The following BMP3 variants were observed in gnomAD, a reference collection of about 807,000 sequenced individuals.
The protein encoded by BMP3 is bone morphogenetic protein 3.
BMP3 carries 23 observed loss-of-function variants against 38.1 expected under a neutral mutation model. The ratio of observed to expected loss-of-function variants is 0.60; its 90% CI spans 0.43 to 0.86. The LOEUF (loss-of-function observed/expected upper bound fraction) is 0.86, where lower values mean the gene tolerates loss of function less well. Ranked by LOEUF, BMP3 falls within the 40% of genes least tolerant of loss-of-function variation. The probability of loss-of-function intolerance (pLI) is 0.00; values close to 1 mark genes in which losing one functional copy is unlikely to be tolerated. For synonymous variants in BMP3, 258 were observed against 225.7 expected (o/e 1.14, Z -1.28); for missense variants, 628 against 579.6 (o/e 1.08, Z -0.86).
chr4:81,046,971 C>T (rs1740269375), intron 2 of BMP3, among the ~76,000 whole-genome samples: 1 of 152,150 alleles, frequency 6.6e-6, no homozygotes, highest in Non-Finnish European at 1.5e-5. Flanking sequence ...TGAACCTGCA[C>T]CTGTCCATGT....
intron 1 of BMP3, among the ~76,000 whole-genome samples, chr4:81,032,783 C>T (rs567757733): frequency 6.6e-6 from 1 of 152,258 alleles, no homozygotes; most frequent in Non-Finnish European, 1.5e-5. Flanking sequence ...CTAGAGCTTA[C>T]AGGCATGATG....
intron 1 of BMP3, among the ~76,000 whole-genome samples, chr4:81,040,028 G>T (rs1740027925): frequency 6.6e-6 from 1 of 152,162 alleles, no homozygotes; most frequent in Admixed American, 6.5e-5. Flanking sequence ...GCAGAGAGAA[G>T]CAGCAACAGG....
In BMP3 at chr4:81,046,484, A is replaced by T. The variant is rs1388499344; in HGVS notation, c.1063A>T (p.Thr355Ser). The T allele has an allele frequency of 1.9e-6, 3 of 1,613,938 alleles. No homozygotes were observed. Among genetic ancestry groups the T allele is most frequent in the Non-Finnish European group, 2.5e-6 (3 of 1,180,006 alleles). ...CCAGACGCTCCAATTTGATGAGCAGACCCTGAAAAAGGCAAGGAGAAAGCA... is the reference window on the plus strand; with the variant it reads ...CCAGACGCTCCAATTTGATGAGCAGTCCCTGAAAAAGGCAAGGAGAAAGCA... The part of the protein sequence containing the change: ...KSQTLQFDEQ[T>S]LKKARRKQWI... Residue 355 changes from threonine to serine, a missense_variant, in exon 2 of 3, where the codon ACC becomes TCC. By Grantham distance (58) the Thr-to-Ser change is moderately conservative (BLOSUM62 1). Coordinates refer to ENST00000282701, the MANE Select transcript of BMP3 (RefSeq NM_001201.5).
chr4:81,035,676 A>G (rs1026255486), intron 1 of BMP3, among the ~76,000 whole-genome samples: 3 of 152,060 alleles, frequency 2.0e-5, no homozygotes, highest in African/African-American at 7.2e-5. Flanking sequence ...CTCAAAACCT[A>G]TTATTTTTAA....
intron 2 of BMP3, among the ~76,000 whole-genome samples, chr4:81,052,002 C>CTT (rs796392056): frequency 6.9e-6 from 1 of 144,770 alleles, no homozygotes; most frequent in African/African-American, 2.5e-5. Context: ...TCCTTTTTTT[C>CTT]TTTTTTTTTT....
chr4:81,051,387 G>A (rs1209422312), intron 2 of BMP3, among the ~76,000 whole-genome samples: 1 of 152,140 alleles, frequency 6.6e-6, no homozygotes, highest in Non-Finnish European at 1.5e-5. Flanking sequence ...CTCAGGAACA[G>A]CAATGCACAG....
chr4:81,050,291 A>G (rs1740370852), intron 2 of BMP3, among the ~76,000 whole-genome samples: 1 of 152,184 alleles, frequency 6.6e-6, no homozygotes, highest in South Asian at 2.1e-4. Flanking sequence ...TCATTCACAG[A>G]CACGGCAGTT....
chr4:81,051,374 G>A (rs1293108218), intron 2 of BMP3, among the ~76,000 whole-genome samples: 1 of 152,092 alleles, frequency 6.6e-6, no homozygotes, highest in Non-Finnish European at 1.5e-5. Flanking sequence ...ATTATACTAG[G>A]TGCTCAGGAA....
Position 81,031,259 on chromosome 4 carries a change from C to A in BMP3, c.-26C>A. On this transcript the variant is annotated 5_prime_UTR_variant, in exon 1 of 3. Coordinates refer to ENST00000282701, the MANE Select transcript of BMP3 (RefSeq NM_001201.5). The stretch of plus-strand genomic sequence containing the variant: ...GAGTGTCCCGCAGCGACGCCGGGAG[C>A]CGACGCGCCGCGCGGGTACCTAGCC... 1 of 1,554,856 alleles carries A rather than the reference C, an allele frequency of 6.4e-7. No individual in the cohort carries two copies. Among genetic ancestry groups the A allele is most frequent in the Non-Finnish European group, 8.7e-7 (1 of 1,150,558 alleles).
In BMP3 at chr4:81,046,085, A is replaced by G. The variant is rs114620549; in HGVS notation, c.664A>G (p.Thr222Ala). 1,191 of 1,614,180 alleles carry G rather than the reference A, an allele frequency of 7.4e-4. No individual in the cohort carries two copies. The highest frequency in any genetic ancestry group is 9.4e-4 in the South Asian group (86 of 91,084). The change falls in exon 2 of 3, where the codon ACG becomes GCG. Residue 222 changes from threonine to alanine, a missense_variant. Thr to Ala is a moderately conservative substitution (Grantham distance 58). Transcript: ENST00000282701. ...AGAGTTCCTCATAGGATTTAACATT[A>G]CGTCCAAGGGACGCCAGCTGCCAAA... ...NEEFLIGFNI[T>A]SKGRQLPKRR...
Position 81,031,369 on chromosome 4 carries a change from T to A in BMP3, c.85T>A (p.Phe29Ile). Residue 29 changes from phenylalanine (F) to isoleucine (I), a missense_variant, in exon 1 of 3, where the codon TTC (phenylalanine) becomes ATC (isoleucine). By Grantham distance (21) the Phe-to-Ile change is conservative (BLOSUM62 0). Transcript: ENST00000282701. Reference sequence around the variant, plus strand: ...GCAGGGAGAGAGACCGAAGCCACCTTTCCCGGAGCTCCGCAAAGCTGTGCC... The same window carrying A: ...GCAGGGAGAGAGACCGAAGCCACCTATCCCGGAGCTCCGCAAAGCTGTGCC... The part of the protein sequence containing the change: ...LAQGERPKPP[F>I]PELRKAVPGD... 6.2e-7 allele frequency: 1 copy of A among 1,613,376 alleles called. No homozygotes were observed. The highest frequency in any genetic ancestry group is 8.5e-7 in the Non-Finnish European group (1 of 1,179,794).
rs547394541 is a variant in BMP3 at position 81,057,001 on chromosome 4, C to A, written c.*3465C>A. 6.6e-6 allele frequency: 1 copy of A among 152,482 alleles called. No individual in the cohort carries two copies. The highest frequency in any genetic ancestry group is 1.5e-5 in the Non-Finnish European group (1 of 68,002). The allele number at this position is 152,482 out of a possible 1,614,324, so 9.4% of individuals were successfully genotyped here. A position where few individuals can be genotyped will look rare whatever the true frequency, so the allele number is the denominator to read the frequency against. ...GTTGGGTTAGGCATAGCTATGCACA[C>A]CTGATGTGTAAGATTAAAGAAGAGA... On this transcript the variant is annotated 3_prime_UTR_variant, in exon 3 of 3. Transcript: ENST00000282701.
In BMP3 at chr4:81,037,716, ATAGT is replaced by A. The variant is rs370291566; in HGVS notation, c.316+6121_316+6124del. 3.2e-4 allele frequency among the ~76,000 whole-genome samples: 48 copies of A among 152,306 alleles called. 1 individual carries two copies. Among genetic ancestry groups the A allele is most frequent in the African/African-American group, 6.5e-4 (27 of 41,586 alleles). ...CTGTAGCACAGATGATGATGTAAAA[ATAGT>A]TAGTAATCATCTGTGCAATCTATGA... On this transcript the variant is annotated intron_variant, in intron 1 of 2. Transcript: ENST00000282701.
At chr4:81,052,680 T>C (rs747067965) in intron 2 of BMP3, among the ~76,000 whole-genome samples, 12 of 152,126 alleles carry the variant, frequency 7.9e-5, no homozygotes, top group Non-Finnish European at 1.8e-4. Context: ...TGGTGTGGTC[T>C]TCTTACCCCC....
Position 81,055,724 on chromosome 4 carries a change from C to G in BMP3, c.*2188C>G, listed in dbSNP as rs1469213711. 2.6e-5 allele frequency: 4 copies of G among 152,028 alleles called. No individual in the cohort carries two copies. Among genetic ancestry groups the G allele is most frequent in the Admixed American group, 6.6e-5 (1 of 15,246 alleles). 9.4% of individuals were successfully genotyped at this position (152,028 alleles called of 1,614,324 possible). On this transcript the variant is annotated 3_prime_UTR_variant, in exon 3 of 3. Transcript: ENST00000282701. The stretch of plus-strand genomic sequence containing the variant: ...TTATATCCAAATGCCTGTTTATTAC[C>G]TTTCTTAATTTGAATCAATGCCTAG...
In BMP3 at chr4:81,031,501, G is replaced by C. The variant is rs780687764; in HGVS notation, c.217G>C (p.Ala73Pro). The C allele has an allele frequency of 1.7e-5, 28 of 1,612,818 alleles. No homozygotes were observed. The South Asian group carries it at 3.1e-4, about 18-fold the overall frequency. ...LYDRYSTVQAARTPGSLEGGS... is the reference protein window; with the variant it reads ...LYDRYSTVQAPRTPGSLEGGS... ...TGACAGGTACAGCACGGTCCAGGCG[G>C]CCCGGACACCGGGCTCCCTGGAGGG... is the stretch of plus-strand genomic sequence containing the variant. Residue 73 changes from alanine (A) to proline (P), a missense_variant, in exon 1 of 3, where the codon GCC (alanine) becomes CCC (proline). By Grantham distance (27) the Ala-to-Pro change is conservative. Transcript: ENST00000282701.
chr4:81,037,952 G>A (rs757295962), intron 1 of BMP3, among the ~76,000 whole-genome samples: 18 of 151,946 alleles, frequency 1.2e-4, no homozygotes, highest in Non-Finnish European at 2.6e-4. Context: ...CTCTGGTGAC[G>A]GAGCTCAGAA....
chr4:81,033,972 C>T (rs866409843), intron 1 of BMP3, among the ~76,000 whole-genome samples: 4 of 152,124 alleles, frequency 2.6e-5, no homozygotes, highest in Non-Finnish European at 4.4e-5. Context: ...GCTGCTGATC[C>T]GGCAGCCTCT....
rs1356341225 is a variant in BMP3 at position 81,054,936 on chromosome 4, CTG to C, written c.*1403_*1404del. The C allele has an allele frequency of 1.3e-5, 2 of 152,306 alleles. No individual in the cohort carries two copies. The highest frequency in any genetic ancestry group is 2.1e-4 in the South Asian group (1 of 4,826). The allele number at this position is 152,306 out of a possible 1,614,324, so 9.4% of individuals were successfully genotyped here. Reference sequence around the variant, plus strand: ...AGAAATATCTCAGCCATTTTGGAGGCTGTGCAGTATCAGAAGACGTGGAGTTT... The same window carrying C: ...AGAAATATCTCAGCCATTTTGGAGGCTGCAGTATCAGAAGACGTGGAGTTT... On this transcript the variant is annotated 3_prime_UTR_variant, in exon 3 of 3. Coordinates refer to ENST00000282701, the MANE Select transcript of BMP3 (RefSeq NM_001201.5).
Sources: allele counts gnomAD v4.1 joint callset (sites outside exome capture counted in the v4.1 genomes callset), GRCh38; gene constraint gnomAD v4.1.1; transcripts MANE v1.5; gene names NCBI Gene and HGNC (gene_info 2026-07-23, HGNC 2026-07-21).